The following SLAIN2 variants were observed in gnomAD, a reference collection of about 807,000 sequenced individuals.
SLAIN2 encodes SLAIN motif-containing protein 2.
A neutral mutation model predicts 56.6 loss-of-function variants in SLAIN2; 31 were observed. That is an observed-to-expected ratio of 0.55 (90% confidence interval 0.41 to 0.74). SLAIN2 has a LOEUF of 0.74. Ranked by LOEUF, SLAIN2 falls within the 30% of genes least tolerant of loss-of-function variation. The pLI is 0.00. For missense variants in SLAIN2, 777 were observed against 754.2 expected (o/e 1.03, Z -0.35); for synonymous variants, 317 against 284.9 (o/e 1.11, Z -1.13).
At chr4:48,361,721 T>C (rs1715332427) in intron 1 of SLAIN2, among the ~76,000 whole-genome samples, 1 of 152,210 alleles carries the variant, frequency 6.6e-6, no homozygotes, top group Non-Finnish European at 1.5e-5. Flanking sequence ...AAATGCCTGC[T>C]GAGGTTTTCT....
intron 6 of SLAIN2, among the ~76,000 whole-genome samples, chr4:48,400,538 T>A (rs1191137933): frequency 6.6e-6 from 1 of 152,034 alleles, no homozygotes; most frequent in Non-Finnish European, 1.5e-5. Flanking sequence ...TAGCTGGGAT[T>A]ACAGGCATGT....
intron 2 of SLAIN2, among the ~76,000 whole-genome samples, chr4:48,374,567 A>C (rs1389990058): frequency 6.6e-6 from 1 of 152,162 alleles, no homozygotes; most frequent in Non-Finnish European, 1.5e-5. Flanking sequence ...TTTTAAGAGC[A>C]CTAGAAAAAT....
At chr4:48,383,805 TTCATGTA>T in intron 6 of SLAIN2, 21 bp downstream of exon 6, 1 of 1,597,926 alleles carries the variant, frequency 6.3e-7, no homozygotes. Flanking sequence ...TTCTTATGCT[TTCATGTA>T]TCAGTTATTT....
At chr4:48,409,275 A>G (rs1257990176) in intron 6 of SLAIN2, among the ~76,000 whole-genome samples, 3 of 152,048 alleles carry the variant, frequency 2.0e-5, no homozygotes, top group Admixed American at 1.3e-4. Flanking sequence ...ATCACATAGT[A>G]GGTCTTTCTC....
chr4:48,392,397 A>G (rs17655725), intron 6 of SLAIN2, among the ~76,000 whole-genome samples: 7,941 of 152,264 alleles, frequency 0.052, 320 homozygotes, highest in African/African-American at 0.11. Flanking sequence ...ATTAATTCAA[A>G]TAGGATCCTT....
At chr4:48,400,232 G>A (rs1174597760) in intron 6 of SLAIN2, among the ~76,000 whole-genome samples, 2 of 152,034 alleles carry the variant, frequency 1.3e-5, no homozygotes, top group African/African-American at 4.8e-5. Context: ...TCAGTCTTGG[G>A]AGGGTGTATG....
intron 3 of SLAIN2, 52 bp downstream of exon 3, chr4:48,378,112 A>T: frequency 6.5e-7 from 1 of 1,538,664 alleles, no homozygotes; most frequent in Non-Finnish European, 8.8e-7. Flanking sequence ...AGCTTACTGC[A>T]CTGTATCAGA....
intron 6 of SLAIN2, 190 bp downstream of exon 6, chr4:48,383,974 G>A: frequency 1.7e-6 from 1 of 577,050 alleles, no homozygotes; most frequent in Non-Finnish European, 2.9e-6. Flanking sequence ...AATTTTCTAT[G>A]TAGGATACTT....
chr4:48,370,202 A>G (rs557987106), intron 2 of SLAIN2, among the ~76,000 whole-genome samples: 33 of 152,254 alleles, frequency 2.2e-4, no homozygotes, highest in African/African-American at 7.9e-4. Flanking sequence ...TCTTGTTTTT[A>G]TTTAGCCTCA....
At chr4:48,414,617 T>TG (rs1716951355) in intron 6 of SLAIN2, among the ~76,000 whole-genome samples, 1 of 141,968 alleles carries the variant, frequency 7.0e-6, no homozygotes, top group Non-Finnish European at 1.5e-5. Flanking sequence ...TGCAGGTTAG[T>TG]TACATATGTA....
At position 48,341,928 on chromosome 4, in the gene SLAIN2, T is replaced by C; in HGVS notation, c.189T>C (p.Ser63=). ...GASIPSSGAA[S]PRGFPLGLSA... is the part of the protein sequence containing the mutation. ...CCATTCCCTCCTCCGGCGCGGCGTC[T>C]CCTCGGGGCTTCCCCTTGGGCCTCA... Residue 63 remains serine, a synonymous_variant, in exon 1 of 8, where the codon TCT becomes TCC. Coordinates refer to ENST00000264313, the MANE Select transcript of SLAIN2 (RefSeq NM_020846.2). The C allele has an allele frequency of 1.3e-6, 2 of 1,502,328 alleles. No individual in the cohort carries two copies. Among genetic ancestry groups the C allele is most frequent in the Non-Finnish European group, 8.9e-7 (1 of 1,127,724 alleles). 93.1% of individuals were successfully genotyped at this position (1,502,328 alleles called of 1,614,324 possible).
intron 6 of SLAIN2, among the ~76,000 whole-genome samples, chr4:48,399,661 A>C (rs1218771016): frequency 6.6e-6 from 1 of 151,980 alleles, no homozygotes; most frequent in African/African-American, 2.4e-5. Flanking sequence ...GTCTCTTTTT[A>C]TTTTGAGGTA....
At chr4:48,356,020 T>G (rs1715145432) in intron 1 of SLAIN2, among the ~76,000 whole-genome samples, 2 of 152,146 alleles carry the variant, frequency 1.3e-5, no homozygotes, top group Non-Finnish European at 2.9e-5. Context: ...CCAAGATAAT[T>G]TATTTGTAGA....
In SLAIN2 at chr4:48,424,670, T is replaced by A. The variant is rs1717252603; in HGVS notation, c.*2593T>A. 1 of 152,140 alleles carries A rather than the reference T, an allele frequency of 6.6e-6. No homozygotes were observed. Among genetic ancestry groups the A allele is most frequent in the South Asian group, 2.1e-4 (1 of 4,828 alleles). The allele number at this position is 152,140 out of a possible 1,614,324, so 9.4% of individuals were successfully genotyped here. A position where few individuals can be genotyped will look rare whatever the true frequency, so the allele number is the denominator to read the frequency against. ...AACACTCTCTGAAGAGTTGACTTTT[T>A]TTCAGTTTCGTATCCTGGAAATCAC... is the stretch of plus-strand genomic sequence containing the variant. On this transcript the variant is annotated 3_prime_UTR_variant, in exon 8 of 8. Transcript: ENST00000264313.
At chr4:48,354,544 G>A (rs1036504829) in intron 1 of SLAIN2, among the ~76,000 whole-genome samples, 3 of 151,970 alleles carry the variant, frequency 2.0e-5, no homozygotes, top group African/African-American at 7.3e-5. Context: ...TCAGCTCACT[G>A]CAACTTTTGC....
chr4:48,384,303 A>G (rs182908227), intron 6 of SLAIN2, among the ~76,000 whole-genome samples: 10 of 152,334 alleles, frequency 6.6e-5, no homozygotes, highest in African/African-American at 1.7e-4. Context: ...TTCCAAAACA[A>G]AAGTATACCA....
At chr4:48,421,897 C>A in intron 7 of SLAIN2, 114 bp from the exon 8 acceptor site, 1 of 814,610 alleles carries the variant, frequency 1.2e-6, no homozygotes, top group Non-Finnish European at 2.0e-6. Flanking sequence ...CTTGGTACGG[C>A]CTTCATGGGA....
intron 6 of SLAIN2, among the ~76,000 whole-genome samples, chr4:48,417,571 C>A (rs1371264586): frequency 1.0e-5 from 1 of 98,766 alleles, no homozygotes; most frequent in Admixed American, 1.1e-4. Flanking sequence ...AGACCAATAT[C>A]CTTGATGAAC....
In SLAIN2 at chr4:48,377,986, G is replaced by A. The variant is rs372531724; in HGVS notation, c.629G>A (p.Ser210Asn). Residue 210 changes from serine to asparagine, a missense_variant, in exon 3 of 8, where the codon AGT (serine) becomes AAT (asparagine). By Grantham distance (46) the Ser-to-Asn change is conservative. Coordinates refer to ENST00000264313, the MANE Select transcript of SLAIN2 (RefSeq NM_020846.2). Reference sequence around the variant, plus strand: ...CCAAATGCCAGTAGCCCATACAGCAGTGGCTTCAATTCTCCATCCTCAACC... The same window carrying A: ...CCAAATGCCAGTAGCCCATACAGCAATGGCTTCAATTCTCCATCCTCAACC... ...YSPNASSPYS[S>N]GFNSPSSTPV... The A allele has an allele frequency of 1.9e-6, 3 of 1,613,944 alleles. No individual in the cohort carries two copies.
Sources: gnomAD v4.1 joint callset for allele counts (sites outside exome capture counted in the v4.1 genomes callset) on GRCh38, gnomAD v4.1.1 for gene constraint, MANE v1.5 for transcripts, NCBI Gene and HGNC (gene_info 2026-07-23, HGNC 2026-07-21) for gene names.